The following STK32B variants were observed in gnomAD, a reference collection of about 807,000 sequenced individuals.
The protein encoded by STK32B is serine/threonine-protein kinase 32B.
Under a neutral mutation model 52.6 loss-of-function variants are expected in STK32B, and 43 were observed. The ratio of observed to expected loss-of-function variants is 0.82; its 90% CI spans 0.64 to 1.05. The LOEUF (loss-of-function observed/expected upper bound fraction) is 1.05, where lower values mean the gene tolerates loss of function less well. STK32B is among the 50% of genes least tolerant of loss of function. The pLI, the probability that STK32B is intolerant of heterozygous loss-of-function variation, is 0.00. For synonymous variants in STK32B, 238 were observed against 204.3 expected (o/e 1.17, Z -1.41); for missense variants, 621 against 534.6 (o/e 1.16, Z -1.59).
intron 4 of STK32B, among the ~76,000 whole-genome samples, chr4:5,364,208 C>T (rs1049471484): frequency 5.3e-5 from 8 of 152,214 alleles, no homozygotes; most frequent in Admixed American, 1.3e-4. Flanking sequence ...TGCCAGGGTA[C>T]AGCATCTTGT....
chr4:5,346,471 T>G (rs1316105908), intron 4 of STK32B, among the ~76,000 whole-genome samples: 2 of 152,156 alleles, frequency 1.3e-5, no homozygotes, highest in Non-Finnish European at 2.9e-5. Context: ...TCTGACTTAG[T>G]TCCCCAGAAC....
chr4:5,493,091 C>G (rs998266483), intron 11 of STK32B, among the ~76,000 whole-genome samples: 9 of 151,472 alleles, frequency 5.9e-5, no homozygotes, highest in Non-Finnish European at 1.2e-4. Flanking sequence ...ATGCTGGCCT[C>G]ATAAAATGAG....
At chr4:5,485,607 C>A (rs1055950804) in intron 11 of STK32B, among the ~76,000 whole-genome samples, 1 of 152,228 alleles carries the variant, frequency 6.6e-6, no homozygotes, top group Non-Finnish European at 1.5e-5. Context: ...ATTCTCCCTC[C>A]AGCTTTGTTC....
At chr4:5,131,343 A>G (rs1292533741) in intron 1 of STK32B, among the ~76,000 whole-genome samples, 3 of 152,180 alleles carry the variant, frequency 2.0e-5, no homozygotes, top group Non-Finnish European at 4.4e-5. Flanking sequence ...CTGCTTCCCT[A>G]GTTACCGTCA....
intron 11 of STK32B, among the ~76,000 whole-genome samples, chr4:5,489,701 A>ACCTCCGCCT (rs1274932846): frequency 2.0e-5 from 3 of 151,926 alleles, no homozygotes; most frequent in African/African-American, 7.2e-5. Context: ...GCTCACTGCA[A>ACCTCCGCCT]CCTCCGCCTC....
chr4:5,384,439 C>T (rs902125197), intron 4 of STK32B, among the ~76,000 whole-genome samples: 4 of 151,684 alleles, frequency 2.6e-5, no homozygotes, highest in South Asian at 2.1e-4. Context: ...GAGAGAATGC[C>T]CTCTAAAATG....
At chr4:5,276,152 G>C (rs967403458) in intron 3 of STK32B, among the ~76,000 whole-genome samples, 1 of 152,034 alleles carries the variant, frequency 6.6e-6, no homozygotes, top group Non-Finnish European at 1.5e-5. Flanking sequence ...AGTCAGGCGT[G>C]GTGGTGCACA....
At chr4:5,436,199 T>C (rs1478854797) in intron 6 of STK32B, among the ~76,000 whole-genome samples, 1 of 152,066 alleles carries the variant, frequency 6.6e-6, no homozygotes, top group Non-Finnish European at 1.5e-5. Context: ...CAGGATCAAG[T>C]CAAATACATT....
At chr4:5,079,300 T>G (rs1712267852) in intron 1 of STK32B, among the ~76,000 whole-genome samples, 1 of 152,218 alleles carries the variant, frequency 6.6e-6, no homozygotes, top group Non-Finnish European at 1.5e-5. Flanking sequence ...CTGCACTTTT[T>G]GCTGTTTTCT....
intron 7 of STK32B, among the ~76,000 whole-genome samples, chr4:5,455,677 C>T (rs4689238): frequency 0.61 from 92,857 of 151,922 alleles, 28,607 homozygotes; most frequent in East Asian, 0.7. Context: ...TCAGCGTTCG[C>T]TCAGCACCTG....
At position 5,214,940 on chromosome 4, in the gene STK32B, T is replaced by TACGTAGG. The variant is rs1318510196; in HGVS notation, c.260+46491_260+46497dup. Reference sequence around the variant, plus strand: ...TTTTGTGTCTCCAGACTATGTATTTTACGTAGGTATTTTCTTGTTGATAAA... The same window carrying TACGTAGG: ...TTTTGTGTCTCCAGACTATGTATTTTACGTAGGACGTAGGTATTTTCTTGTTGATAAA... On this transcript the variant is annotated intron_variant, in intron 3 of 11. Coordinates refer to ENST00000282908, the MANE Select transcript of STK32B (RefSeq NM_018401.3). 4.6e-5 allele frequency among the ~76,000 whole-genome samples: 7 copies of TACGTAGG among 152,214 alleles called. No individual in the cohort carries two copies. The East Asian group carries it at 1.2e-3, about 25-fold the overall frequency.
chr4:5,307,590 A>G (rs6849493), intron 3 of STK32B, among the ~76,000 whole-genome samples: 18,857 of 145,658 alleles, frequency 0.13, 2,614 homozygotes, highest in African/African-American at 0.36. Flanking sequence ...TTTCTCTAGT[A>G]CCTCCTTGAT....
chr4:5,415,371 C>A lies in STK32B; in HGVS notation c.473-1474C>A, dbSNP rs868105381. On this transcript the variant is annotated intron_variant, in intron 5 of 11. Transcript: ENST00000282908. ...AAATTATTTGCCCAAGGTTATACAG[C>A]TACTCCCAACAAAGCTGAGGCCCAA... is the stretch of plus-strand genomic sequence containing the variant. Among the ~76,000 whole-genome samples, 3 of 152,310 alleles carry A rather than the reference C, an allele frequency of 2.0e-5. No individual in the cohort carries two copies. The Middle Eastern group carries it at 0.01, about 518-fold the overall frequency.
chr4:5,480,844 G>C (rs1004797060), intron 11 of STK32B, among the ~76,000 whole-genome samples: 10 of 149,676 alleles, frequency 6.7e-5, no homozygotes, highest in Non-Finnish European at 1.5e-4. Flanking sequence ...TTGGTGTTTT[G>C]TCCTTGCGAT....
At chr4:5,379,281 C>T (rs1735775380) in intron 4 of STK32B, among the ~76,000 whole-genome samples, 3 of 152,154 alleles carry the variant, frequency 2.0e-5, no homozygotes. Context: ...CCAGAACTTT[C>T]ACCAGGGCCC....
Position 5,500,468 on chromosome 4 carries a change from T to G in STK32B, c.*1385T>G, listed in dbSNP as rs1720639653. 1 of 152,184 alleles carries G rather than the reference T, an allele frequency of 6.6e-6. No individual in the cohort carries two copies. Among genetic ancestry groups the G allele is most frequent in the Non-Finnish European group, 1.5e-5 (1 of 68,032 alleles). 9.4% of individuals were successfully genotyped at this position (152,184 alleles called of 1,614,324 possible). A position where few individuals can be genotyped will look rare whatever the true frequency, so the allele number is the denominator to read the frequency against. ...TCTGTGCAAACAAACCTGTTTAGGATTCTTCCAAATGTTCTTCCTGGGGTC... is the reference window on the plus strand; with the variant it reads ...TCTGTGCAAACAAACCTGTTTAGGAGTCTTCCAAATGTTCTTCCTGGGGTC... On this transcript the variant is annotated 3_prime_UTR_variant, in exon 12 of 12. Transcript: ENST00000282908.
chr4:5,130,233 G>T (rs1332342531), intron 1 of STK32B, among the ~76,000 whole-genome samples: 3 of 151,814 alleles, frequency 2.0e-5, no homozygotes, highest in Non-Finnish European at 4.4e-5. Flanking sequence ...GGCGTTCCAG[G>T]CAGAGGGACA....
chr4:5,410,317 C>T (rs114809368), intron 5 of STK32B, among the ~76,000 whole-genome samples: 3,150 of 151,828 alleles, frequency 0.021, 53 homozygotes, highest in Non-Finnish European at 0.033. Flanking sequence ...TAATTTGGGT[C>T]CTGTAAACCA....
rs77114819 is a variant in STK32B at position 5,268,854 on chromosome 4, G to A, written c.261-62366G>A. 3.0e-3 allele frequency among the ~76,000 whole-genome samples: 309 copies of A among 104,034 alleles called. 3 individuals are homozygous for A. The African/African-American group carries it at 0.03, about 10-fold the overall frequency. 68.3% of individuals were successfully genotyped at this position (104,034 alleles called of 152,430 possible). A position where few individuals can be genotyped will look rare whatever the true frequency, so the allele number is the denominator to read the frequency against. On this transcript the variant is annotated intron_variant, in intron 3 of 11. Coordinates refer to ENST00000282908, the MANE Select transcript of STK32B (RefSeq NM_018401.3). ...CCTCCTACCTTAAACAAACAAAAAA[G>A]GGGGAAAAAACAATAAGCAATAGTT... is the stretch of plus-strand genomic sequence containing the variant.
Sources: gnomAD v4.1 joint callset for allele counts (sites outside exome capture counted in the v4.1 genomes callset) on GRCh38, gnomAD v4.1.1 for gene constraint, MANE v1.5 for transcripts, NCBI Gene and HGNC (gene_info 2026-07-23, HGNC 2026-07-21) for gene names.